PCNT: variants seen among roughly 807,000 people sequenced by gnomAD.
PCNT encodes kendrin.
PCNT carries 319 observed loss-of-function variants against 380.4 expected under a neutral mutation model. The ratio of observed to expected loss-of-function variants is 0.84; its 90% CI spans 0.77 to 0.92. PCNT has a LOEUF of 0.92. Among genes scored for constraint, PCNT ranks in the 40% least tolerant of loss-of-function variants. The pLI is 0.00. For synonymous variants in PCNT, 1,845 were observed against 1,735.2 expected (o/e 1.06, Z -1.57); for missense variants, 4,400 against 4,255.3 (o/e 1.03, Z -0.95).
At chr21:46,350,605 A>G (rs1459321589) in intron 8 of PCNT, among the ~76,000 whole-genome samples, 1 of 152,150 alleles carries the variant, frequency 6.6e-6, no homozygotes, top group East Asian at 1.9e-4. Flanking sequence ...TGTGTGAAAG[A>G]TTTACAAACA....
chr21:46,383,529 G>C (rs1313271903), intron 16 of PCNT, among the ~76,000 whole-genome samples: 2 of 141,870 alleles, frequency 1.4e-5, no homozygotes, highest in Non-Finnish European at 3.1e-5. Context: ...ATTCAGTGGC[G>C]GAAGCGCATT....
In PCNT at chr21:46,430,051, G is replaced by T. The variant is rs1374279681; in HGVS notation, c.7732G>T (p.Ala2578Ser). ...AYKVEQEKCI[A>S]GDLQKTLSEE... is the part of the protein sequence containing the mutation. ...TAAAGTAGAGCAGGAGAAGTGCATT[G>T]CTGGTGACTTGCAGAAGACGCTGAG... Residue 2578 changes from alanine (A) to serine (S), a missense_variant, in exon 36 of 47, where the codon GCT becomes TCT. Coordinates refer to ENST00000359568, the MANE Select transcript of PCNT (RefSeq NM_006031.6). The T allele has an allele frequency of 6.2e-7, 1 of 1,614,226 alleles. No homozygotes were observed. Among genetic ancestry groups the T allele is most frequent in the Admixed American group, 1.7e-5 (1 of 60,036 alleles).
At chr21:46,351,326 T>C in intron 8 of PCNT, 103 bp from the exon 9 acceptor site, 1 of 775,524 alleles carries the variant, frequency 1.3e-6, no homozygotes, top group Admixed American at 1.7e-5. Context: ...TGTGAGCTTT[T>C]ACCCTTAGGA....
chr21:46,370,983 T>G (rs2085104358), intron 15 of PCNT, among the ~76,000 whole-genome samples: 1 of 151,940 alleles, frequency 6.6e-6, no homozygotes, highest in Admixed American at 6.6e-5. Flanking sequence ...TGTGGTGAGC[T>G]GAGATCGCGC....
In PCNT at chr21:46,436,001, G is replaced by A. The variant is rs2053432807; in HGVS notation, c.8849G>A (p.Ser2950Asn). The change falls in exon 39 of 47, where the codon AGC becomes AAC. Residue 2950 changes from serine (S) to asparagine (N), a missense_variant. Ser to Asn is a conservative substitution (Grantham distance 46). Coordinates refer to ENST00000359568, the MANE Select transcript of PCNT (RefSeq NM_006031.6). ...DLESKDEVPG[S>N]RLHLGSARRA... Reference sequence around the variant, plus strand: ...GAGTCGAAGGACGAGGTGCCTGGCAGCCGCCTCCACCTAGGTTCTGCCCGC... The same window carrying A: ...GAGTCGAAGGACGAGGTGCCTGGCAACCGCCTCCACCTAGGTTCTGCCCGC... The A allele has an allele frequency of 1.9e-6, 3 of 1,614,166 alleles. No homozygotes were observed. Among genetic ancestry groups the A allele is most frequent in the South Asian group, 2.2e-5 (2 of 91,088 alleles).
chr21:46,331,379 T>C (rs550386518), intron 2 of PCNT, among the ~76,000 whole-genome samples: 68 of 152,160 alleles, frequency 4.5e-4, no homozygotes, highest in Non-Finnish European at 7.8e-4. Flanking sequence ...AGGATGGTTA[T>C]AAGCGAAGGT....
In PCNT at chr21:46,440,969, A is replaced by G; in HGVS notation, c.9508A>G (p.Thr3170Ala). 2.5e-6 allele frequency: 4 copies of G among 1,613,556 alleles called. No individual in the cohort carries two copies. The highest frequency in any genetic ancestry group is 3.4e-6 in the Non-Finnish European group (4 of 1,179,426). The change falls in exon 43 of 47, where the codon ACA becomes GCA. Residue 3170 changes from threonine to alanine, a missense_variant. Thr to Ala is a moderately conservative substitution (Grantham distance 58). Coordinates refer to ENST00000359568, the MANE Select transcript of PCNT (RefSeq NM_006031.6). ...TGGATTCCAGGATTCTGAACAAGAA[A>G]CACTCTCCATGATTGCCCATTTGGG... ...IGGFQDSEQE[T>A]LSMIAHLGVF...
At chr21:46,350,953 A>G (rs1176524010) in intron 8 of PCNT, among the ~76,000 whole-genome samples, 2 of 152,250 alleles carry the variant, frequency 1.3e-5, no homozygotes, top group Admixed American at 1.3e-4. Flanking sequence ...CTGATTGTAC[A>G]GAAAAGTTTA....
chr21:46,408,593 G>A (rs1165846468), intron 27 of PCNT, among the ~76,000 whole-genome samples: 1 of 151,968 alleles, frequency 6.6e-6, no homozygotes, highest in Non-Finnish European at 1.5e-5. Context: ...TAGACATTCT[G>A]GTAGATATGT....
At chr21:46,346,106 A>G (rs777530648) in intron 3 of PCNT, 22 bp from the exon 4 acceptor site, 7 of 1,611,528 alleles carry the variant, frequency 4.3e-6, no homozygotes, top group African/African-American at 1.3e-5. Context: ...CTGGACCTAC[A>G]TTCTTTGCCT....
rs1478908165 is a variant in PCNT at position 46,359,480 on chromosome 21, G to GTTTTTTTTTT, written c.2154+2290_2154+2299dup. Among the ~76,000 whole-genome samples the GTTTTTTTTTT allele has an allele frequency of 3.5e-3, 231 of 65,684 alleles. 37 individuals are homozygous for GTTTTTTTTTT. Among genetic ancestry groups the GTTTTTTTTTT allele is most frequent in the African/African-American group, 5.2e-3 (117 of 22,288 alleles). The allele number at this position is 65,684 out of a possible 152,430, so 43.1% of individuals were successfully genotyped here. On this transcript the variant is annotated intron_variant, in intron 13 of 46. Transcript: ENST00000359568. ...TAGTATTCTGTCCAAAAATACACCTGTTTTTTTTTTGTTTTTTTTTTTTTT... is the reference window on the plus strand; with the variant it reads ...TAGTATTCTGTCCAAAAATACACCTGTTTTTTTTTTTTTTTTTTTTGTTTTTTTTTTTTTT...
At chr21:46,350,858 C>T (rs756941055) in intron 8 of PCNT, among the ~76,000 whole-genome samples, 2 of 152,102 alleles carry the variant, frequency 1.3e-5, no homozygotes, top group East Asian at 1.9e-4. Flanking sequence ...TAGGAGGAGC[C>T]GTTTCCATGA....
At chr21:46,386,515 G>A (rs1263223312) in intron 17 of PCNT, among the ~76,000 whole-genome samples, 1 of 152,206 alleles carries the variant, frequency 6.6e-6, no homozygotes, top group Non-Finnish European at 1.5e-5. Flanking sequence ...ACTGGGCTGA[G>A]CGCCCAGCCC....
At chr21:46,430,733 C>T (rs1351511384) in intron 37 of PCNT, 76 bp downstream of exon 37, 19 of 1,540,198 alleles carry the variant, frequency 1.2e-5, no homozygotes, top group Non-Finnish European at 9.6e-6. Flanking sequence ...CCTCTTTCAT[C>T]CTTCTTTTCC....
chr21:46,413,340 C>T lies in PCNT; in HGVS notation c.6150+348C>T, dbSNP rs550185564. ...AGGCCCACCCGGGAGAGGCTGGACA[C>T]GCGGCAGCAAGGTGTGGGGAGGGGG... On this transcript the variant is annotated intron_variant, in intron 29 of 46. Transcript: ENST00000359568. Among the ~76,000 whole-genome samples, 60 of 38,008 alleles carry T rather than the reference C, an allele frequency of 1.6e-3. 10 individuals carry two copies. Among genetic ancestry groups the T allele is most frequent in the African/African-American group, 8.1e-3 (52 of 6,394 alleles). The allele number at this position is 38,008 out of a possible 152,430, so 24.9% of individuals were successfully genotyped here.
chr21:46,341,629 A>G (rs1215162785), intron 3 of PCNT, among the ~76,000 whole-genome samples: 2 of 151,680 alleles, frequency 1.3e-5, no homozygotes, highest in African/African-American at 4.8e-5. Context: ...GGCCTCCCAA[A>G]GTGCTGGGAT....
Position 46,363,706 on chromosome 21 carries a change from C to G in PCNT, c.2381C>G (p.Ala794Gly), listed in dbSNP as rs1159173510. ...ATAAACAAGTTTGAGCTTCGAGAAG[C>G]TGAAATGAGGCAGCTTCAGGACCAA... ...TIINKFELREAEMRQLQDQQA... is the reference protein window; with the variant it reads ...TIINKFELREGEMRQLQDQQA... The change falls in exon 14 of 47, where the codon GCT (alanine) becomes GGT (glycine). Residue 794 changes from alanine (A) to glycine (G), a missense_variant. Transcript: ENST00000359568. 14 of 1,614,096 alleles carry G rather than the reference C, an allele frequency of 8.7e-6. No individual in the cohort carries two copies. Among genetic ancestry groups the G allele is most frequent in the East Asian group, 4.5e-5 (2 of 44,896 alleles).
At position 46,394,135 on chromosome 21, in the gene PCNT, G is replaced by A. The variant is rs1428731333; in HGVS notation, c.4216+2759G>A. ...TGGCTCTGCGGTTGTGTGACTCTGC[G>A]CCAGCTACCGGCCCTGACCACTCTC... On this transcript the variant is annotated intron_variant, in intron 21 of 46. Transcript: ENST00000359568. Among the ~76,000 whole-genome samples, 94 of 152,186 alleles carry A rather than the reference G, an allele frequency of 6.2e-4. 1 individual carries two copies. The highest frequency in any genetic ancestry group is 6.0e-3 in the Admixed American group (92 of 15,288).
chr21:46,329,417 T>A (rs1388610239), intron 2 of PCNT, among the ~76,000 whole-genome samples: 13 of 152,260 alleles, frequency 8.5e-5, no homozygotes, highest in Non-Finnish European at 1.6e-4. Context: ...TGTTGGTTTT[T>A]TCGTTGTTAT....
Sources: gnomAD v4.1 joint callset for allele counts (sites outside exome capture counted in the v4.1 genomes callset) on GRCh38, gnomAD v4.1.1 for gene constraint, MANE v1.5 for transcripts, NCBI Gene and HGNC (gene_info 2026-07-23, HGNC 2026-07-21) for gene names.